Variants in TRANK1 observed in about 807,000 individuals in gnomAD.
The protein encoded by TRANK1 is TPR and ankyrin repeat-containing protein 1.
Under a neutral mutation model 266.0 loss-of-function variants are expected in TRANK1, and 198 were observed. The observed-to-expected ratio is 0.74, with a 90% CI of 0.66 to 0.84. The LOEUF (loss-of-function observed/expected upper bound fraction) is 0.84. Ranked by LOEUF, TRANK1 falls within the 40% of genes least tolerant of loss-of-function variation. The pLI is 0.00. For missense variants in TRANK1, 3,326 were observed against 3,634.6 expected (o/e 0.92, Z 2.18); for synonymous variants, 1,396 against 1,384.1 (o/e 1.01, Z -0.19).
At chr3:36,940,356 C>T (rs188604789) in intron 1 of TRANK1, among the ~76,000 whole-genome samples, 1,628 of 151,798 alleles carry the variant, frequency 0.011, 29 homozygotes, top group African/African-American at 0.035. Flanking sequence ...AAAAATTAGC[C>T]GGGCGTGGTG....
At chr3:36,864,296 T>C (rs2079183222) in intron 10 of TRANK1, 23 bp downstream of exon 10, 4 of 1,490,670 alleles carry the variant, frequency 2.7e-6, no homozygotes, top group Non-Finnish European at 3.5e-6. Flanking sequence ...TTTAACATCA[T>C]TGAACGTTGT....
At chr3:36,944,274 C>A (rs554499567) in intron 1 of TRANK1, among the ~76,000 whole-genome samples, 2 of 152,334 alleles carry the variant, frequency 1.3e-5, no homozygotes, top group East Asian at 3.9e-4. Flanking sequence ...ATCGGGCGGG[C>A]AGGGAAGAAG....
chr3:36,870,754 C>T (rs2079295669), intron 9 of TRANK1, among the ~76,000 whole-genome samples: 1 of 152,052 alleles, frequency 6.6e-6, no homozygotes, highest in Non-Finnish European at 1.5e-5. Flanking sequence ...CTCATGCATG[C>T]TTTTCTGCCA....
intron 13 of TRANK1, among the ~76,000 whole-genome samples, chr3:36,854,386 G>C (rs1006349241): frequency 5.9e-5 from 9 of 151,354 alleles, no homozygotes; most frequent in Non-Finnish European, 1.2e-4. Flanking sequence ...AAGAAAGAAA[G>C]AAATCTCAAC....
intron 8 of TRANK1, among the ~76,000 whole-genome samples, chr3:36,884,774 A>G (rs1378756404): frequency 6.6e-6 from 1 of 152,002 alleles, no homozygotes; most frequent in Non-Finnish European, 1.5e-5. Context: ...CTCTACTAAA[A>G]ACACAAAAAT....
chr3:36,903,407 C>T, intron 2 of TRANK1, 132 bp from the exon 3 acceptor site: 1 of 1,164,932 alleles, frequency 8.6e-7, no homozygotes, highest in Non-Finnish European at 1.2e-6. Flanking sequence ...TCATGCTTAT[C>T]AGATCAGTCT....
At chr3:36,864,759 C>A (rs931906795) in intron 9 of TRANK1, among the ~76,000 whole-genome samples, 4 of 152,204 alleles carry the variant, frequency 2.6e-5, no homozygotes, top group African/African-American at 4.8e-5. Context: ...TGCTGACTTT[C>A]TTGAGGCTGT....
At chr3:36,871,596 A>G (rs1295193918) in intron 9 of TRANK1, among the ~76,000 whole-genome samples, 1 of 152,180 alleles carries the variant, frequency 6.6e-6, no homozygotes, top group African/African-American at 2.4e-5. Flanking sequence ...CAACCTCACG[A>G]AGAAATTAGT....
chr3:36,852,786 A>C lies in TRANK1; in HGVS notation c.4550-441T>G, dbSNP rs1429234375. ...GACTCCATCTCAATTAAAAAAAAAA[A>C]AAAAAAAAAAAAACAATGAGAGCTG... is the stretch of plus-strand genomic sequence containing the variant. On this transcript the variant is annotated intron_variant, in intron 13 of 23. Transcript: ENST00000645898. 2.7e-5 allele frequency among the ~76,000 whole-genome samples: 4 copies of C among 150,792 alleles called. No individual in the cohort carries two copies. In the East Asian group the frequency reaches 7.8e-4, roughly 29 times the overall value.
intron 13 of TRANK1, among the ~76,000 whole-genome samples, chr3:36,853,320 C>CT (rs1467298138): frequency 1.3e-5 from 2 of 152,150 alleles, no homozygotes. Context: ...AAGCCAGGTG[C>CT]CCTTTTCAAA....
chr3:36,911,952 C>T (rs575171388), intron 1 of TRANK1, among the ~76,000 whole-genome samples: 8 of 152,072 alleles, frequency 5.3e-5, no homozygotes, highest in Non-Finnish European at 5.9e-5. Flanking sequence ...TTTGGGAGGC[C>T]GAAGCAGGCA....
At chr3:36,908,009 A>G (rs1277679092) in intron 2 of TRANK1, among the ~76,000 whole-genome samples, 5 of 152,208 alleles carry the variant, frequency 3.3e-5, no homozygotes, top group African/African-American at 4.8e-5. Flanking sequence ...GGCATAGATA[A>G]TAAAGAAGAT....
intron 2 of TRANK1, among the ~76,000 whole-genome samples, chr3:36,905,860 T>C (rs1480269077): frequency 1.3e-5 from 2 of 152,168 alleles, no homozygotes; most frequent in Non-Finnish European, 2.9e-5. Context: ...GCAAGTACGC[T>C]GTAAATCACA....
At chr3:36,895,010 A>T (rs2079767725) in intron 5 of TRANK1, among the ~76,000 whole-genome samples, 1 of 152,202 alleles carries the variant, frequency 6.6e-6, no homozygotes, top group Admixed American at 6.5e-5. Context: ...CTTGTCCATT[A>T]TTTCTGATCT....
In TRANK1 at chr3:36,856,111, T is replaced by G; in HGVS notation, c.3611A>C (p.Glu1204Ala). ...AAGCTCAATGAAATTCCTTTGTACC[T>G]CCTGGCACAGCACATGGTTCTTGGT... ...FVTKNHVLCQ[E>A]VQRNFIELSK... The change falls in exon 13 of 24, where the codon GAG becomes GCG. Residue 1204 changes from glutamate (E) to alanine (A), a missense_variant. Physicochemically the swap from Glu to Ala is moderately radical, Grantham distance 107. Coordinates refer to ENST00000645898, the MANE Select transcript of TRANK1 (RefSeq NM_001329998.2). 1 of 1,613,840 alleles carries G rather than the reference T, an allele frequency of 6.2e-7. No individual in the cohort carries two copies.
intron 1 of TRANK1, among the ~76,000 whole-genome samples, chr3:36,935,690 G>A (rs1041312205): frequency 1.3e-5 from 2 of 151,974 alleles, no homozygotes; most frequent in African/African-American, 2.4e-5. Flanking sequence ...GAGGTGATCC[G>A]CCCATCTCGG....
rs367657742 is a variant in TRANK1, at chr3:36,870,259, T to G, written c.1078+3867A>C. Among the ~76,000 whole-genome samples, 21 of 152,192 alleles carry G rather than the reference T, an allele frequency of 1.4e-4. No individual in the cohort carries two copies. In the East Asian group the frequency reaches 3.9e-3, roughly 28 times the overall value. On this transcript the variant is annotated intron_variant, in intron 9 of 23. Coordinates refer to ENST00000645898, the MANE Select transcript of TRANK1 (RefSeq NM_001329998.2). ...CCCATCTCTACAAAAAATACAAAAT[T>G]AGCCGGGCATGGTGATGCATGCCTG...
rs187939980 is a variant in TRANK1, at chr3:36,940,091, C to T, written c.23+4696G>A. ...TTTTTTAATGGAGACAGGGTTTCACCGTGTTGGCCAGGCTGGTCTCGAACC... is the reference window on the plus strand; with the variant it reads ...TTTTTTAATGGAGACAGGGTTTCACTGTGTTGGCCAGGCTGGTCTCGAACC... On this transcript the variant is annotated intron_variant, in intron 1 of 23. Transcript: ENST00000645898. 1.3e-3 allele frequency among the ~76,000 whole-genome samples: 194 copies of T among 151,612 alleles called. 1 individual carries two copies. The highest frequency in any genetic ancestry group is 6.8e-3 in the Middle Eastern group (2 of 294).
At chr3:36,918,876 T>C (rs1254741004) in intron 1 of TRANK1, among the ~76,000 whole-genome samples, 1 of 152,134 alleles carries the variant, frequency 6.6e-6, no homozygotes, top group Non-Finnish European at 1.5e-5. Flanking sequence ...GCAGCCAAGA[T>C]ACTAATTACT....
Sources: gnomAD v4.1 joint callset for allele counts (sites outside exome capture counted in the v4.1 genomes callset) on GRCh38, gnomAD v4.1.1 for gene constraint, MANE v1.5 for transcripts, NCBI Gene and HGNC (gene_info 2026-07-23, HGNC 2026-07-21) for gene names.